CCSER1: variants seen among roughly 807,000 people sequenced by gnomAD.
The protein encoded by CCSER1 is coiled-coil serine rich protein 1, also known as serine-rich coiled-coil domain-containing protein 1.
Under a neutral mutation model 82.0 loss-of-function variants are expected in CCSER1, and 41 were observed. The observed-to-expected ratio is 0.50, with a 90% CI of 0.39 to 0.65. CCSER1 has a LOEUF of 0.65. Among genes scored for constraint, CCSER1 ranks in the 30% least tolerant of loss-of-function variants. The probability of loss-of-function intolerance (pLI) is 0.00; values close to 1 mark genes in which losing one functional copy is unlikely to be tolerated. For synonymous variants in CCSER1, 414 were observed against 383.9 expected (o/e 1.08, Z -0.92); for missense variants, 1,119 against 1,064.2 (o/e 1.05, Z -0.72).
At chr4:90,405,683 C>T (rs1362522936) in intron 4 of CCSER1, among the ~76,000 whole-genome samples, 1 of 152,124 alleles carries the variant, frequency 6.6e-6, no homozygotes, top group Non-Finnish European at 1.5e-5. Flanking sequence ...ACCTTACAAG[C>T]TAGAAGGGAT....
At chr4:91,296,483 A>ATATATATATATATATATATTATT (rs1175690764) in intron 10 of CCSER1, among the ~76,000 whole-genome samples, 16 of 123,998 alleles carry the variant, frequency 1.3e-4, no homozygotes, top group African/African-American at 2.4e-4. Flanking sequence ...ATATATATAT[A>ATATATATATATATATATATTATT]TATTTTAATT....
At chr4:90,461,501 G>T (rs1257342872) in intron 4 of CCSER1, among the ~76,000 whole-genome samples, 1 of 152,254 alleles carries the variant, frequency 6.6e-6, no homozygotes, top group Non-Finnish European at 1.5e-5. Context: ...AGGTATTGCC[G>T]ATGACCTATG....
At chr4:90,560,699 A>G (rs1454284470) in intron 5 of CCSER1, among the ~76,000 whole-genome samples, 1 of 152,126 alleles carries the variant, frequency 6.6e-6, no homozygotes, top group African/African-American at 2.4e-5. Context: ...TTCTCATATA[A>G]TGTTAAGTTG....
chr4:91,367,207 C>CT (rs1749680296), intron 10 of CCSER1, among the ~76,000 whole-genome samples: 1 of 143,872 alleles, frequency 7.0e-6, no homozygotes, highest in Admixed American at 7.0e-5. Flanking sequence ...GTCGAAGCTA[C>CT]TTGGGGGGCT....
intron 10 of CCSER1, among the ~76,000 whole-genome samples, chr4:91,176,114 T>G (rs943346700): frequency 6.6e-6 from 1 of 152,238 alleles, no homozygotes; most frequent in Non-Finnish European, 1.5e-5. Flanking sequence ...TTGACAGGTT[T>G]GTCACAGATC....
intron 9 of CCSER1, among the ~76,000 whole-genome samples, chr4:91,005,253 G>A (rs1487533520): frequency 6.6e-6 from 1 of 152,146 alleles, no homozygotes; most frequent in Admixed American, 6.5e-5. Context: ...AAGTCCTTCT[G>A]TCAGATGAGA....
At chr4:91,149,627 C>A (rs1169652584) in intron 10 of CCSER1, among the ~76,000 whole-genome samples, 1 of 152,170 alleles carries the variant, frequency 6.6e-6, no homozygotes, top group African/African-American at 2.4e-5. Context: ...ACATTGAAGT[C>A]TTTAATTCAT....
rs185661115 is a variant in CCSER1 at position 90,581,485 on chromosome 4, A to G, written c.1725-46540A>G. ...ATTACGTTCTACTTAATGCAAGTTTATACATAGTTAAGGGGTATGTGTGTG... is the reference window on the plus strand; with the variant it reads ...ATTACGTTCTACTTAATGCAAGTTTGTACATAGTTAAGGGGTATGTGTGTG... On this transcript the variant is annotated intron_variant, in intron 5 of 10. Coordinates refer to ENST00000509176, the MANE Select transcript of CCSER1 (RefSeq NM_001145065.2). Among the ~76,000 whole-genome samples the G allele has an allele frequency of 2.2e-4, 33 of 152,234 alleles. No individual in the cohort carries two copies. The East Asian group carries it at 5.4e-3, about 25-fold the overall frequency.
chr4:90,765,784 T>C (rs538645861), intron 7 of CCSER1, among the ~76,000 whole-genome samples: 1 of 152,248 alleles, frequency 6.6e-6, no homozygotes, highest in South Asian at 2.1e-4. Flanking sequence ...TTATAATAGA[T>C]TTTTACCTAG....
intron 7 of CCSER1, among the ~76,000 whole-genome samples, chr4:90,794,712 G>A (rs11936491): frequency 0.35 from 52,931 of 151,964 alleles, 9,575 homozygotes; most frequent in African/African-American, 0.46. Flanking sequence ...AAGAATGTCA[G>A]TGGTAGATTA....
intron 10 of CCSER1, among the ~76,000 whole-genome samples, chr4:91,442,776 GA>G (rs1385130433): frequency 1.4e-5 from 2 of 147,888 alleles, no homozygotes; most frequent in South Asian, 2.2e-4. Flanking sequence ...AAATTTACAA[GA>G]AAAAAACAAA....
At chr4:90,869,564 C>CT (rs1318089194) in intron 8 of CCSER1, among the ~76,000 whole-genome samples, 97 of 150,550 alleles carry the variant, frequency 6.4e-4, no homozygotes, top group African/African-American at 1.8e-3. Flanking sequence ...CTTTATGTGG[C>CT]TTTTTTTTTC....
intron 10 of CCSER1, among the ~76,000 whole-genome samples, chr4:91,143,138 T>C (rs892074333): frequency 2.0e-5 from 3 of 152,280 alleles, no homozygotes; most frequent in East Asian, 1.9e-4. Context: ...CATTTGTTTA[T>C]GTCATCACTG....
intron 9 of CCSER1, among the ~76,000 whole-genome samples, chr4:91,071,697 A>G (rs1721455617): frequency 6.6e-6 from 1 of 152,112 alleles, no homozygotes; most frequent in African/African-American, 2.4e-5. Context: ...GTAGCTTACT[A>G]GATAGATTGA....
chr4:90,691,512 T>C (rs1186870972), intron 6 of CCSER1, among the ~76,000 whole-genome samples: 10 of 151,648 alleles, frequency 6.6e-5, no homozygotes, highest in East Asian at 2.0e-4. Flanking sequence ...GTGTATATAT[T>C]ACATGTGTAC....
At chr4:91,486,449 C>T (rs1162191163) in intron 10 of CCSER1, among the ~76,000 whole-genome samples, 1 of 151,948 alleles carries the variant, frequency 6.6e-6, no homozygotes, top group Non-Finnish European at 1.5e-5. Flanking sequence ...ATTTCAGATA[C>T]TAATTACTAC....
intron 9 of CCSER1, among the ~76,000 whole-genome samples, chr4:91,071,112 T>C (rs1010562926): frequency 6.6e-6 from 1 of 152,198 alleles, no homozygotes; most frequent in Non-Finnish European, 1.5e-5. Flanking sequence ...CTTAGAAAAG[T>C]AAATATTCCA....
chr4:91,492,220 C>G (rs1215664207), intron 10 of CCSER1, among the ~76,000 whole-genome samples: 1 of 152,066 alleles, frequency 6.6e-6, no homozygotes, highest in African/African-American at 2.4e-5. Flanking sequence ...AACACCACCT[C>G]AACCCCACTG....
intron 9 of CCSER1, among the ~76,000 whole-genome samples, chr4:91,041,298 G>C (rs1166528612): frequency 6.6e-6 from 1 of 152,104 alleles, no homozygotes; most frequent in Non-Finnish European, 1.5e-5. Context: ...TGCTTTGTCT[G>C]TACTGTTCTC....
Sources: allele counts gnomAD v4.1 joint callset (sites outside exome capture counted in the v4.1 genomes callset), GRCh38; gene constraint gnomAD v4.1.1; transcripts MANE v1.5; gene names NCBI Gene and HGNC (gene_info 2026-07-23, HGNC 2026-07-21).